Variants in NRP1 observed in about 807,000 individuals in gnomAD.
NRP1 encodes neuropilin-1.
A neutral mutation model predicts 106.7 loss-of-function variants in NRP1; 35 were observed. The ratio of observed to expected loss-of-function variants is 0.33; its 90% CI spans 0.25 to 0.43. The LOEUF is 0.43. Ranked by LOEUF, NRP1 falls within the 20% of genes least tolerant of loss-of-function variation. NRP1 has a pLI of 1.00. For missense variants in NRP1, 1,024 were observed against 1,170.4 expected (o/e 0.87, Z 1.83); for synonymous variants, 437 against 417.9 (o/e 1.05, Z -0.56).
Position 33,334,291 on chromosome 10 carries a change from G to C in NRP1, c.73+19C>G. On this transcript the variant is annotated intron_variant, in intron 1 of 16. Transcript: ENST00000374867. ...GAGCCGGGGCGCCGCTGTCACCCGC[G>C]CCTCTGCCTGTCACTTACCGTTGCG... 3 of 1,537,360 alleles carry C rather than the reference G, an allele frequency of 2.0e-6. No homozygotes were observed. The highest frequency in any genetic ancestry group is 1.7e-6 in the Non-Finnish European group (2 of 1,144,342).
intron 9 of NRP1, among the ~76,000 whole-genome samples, chr10:33,208,046 C>T (rs1273252402): frequency 6.6e-6 from 1 of 152,158 alleles, no homozygotes; most frequent in Non-Finnish European, 1.5e-5. Flanking sequence ...CCACCTCAGC[C>T]TCCTGAGTAG....
intron 2 of NRP1, among the ~76,000 whole-genome samples, chr10:33,326,636 A>G (rs981587122): frequency 1.3e-5 from 2 of 152,200 alleles, no homozygotes; most frequent in African/African-American, 2.4e-5. Flanking sequence ...ATCTTGTTCA[A>G]TAAAAGAATT....
chr10:33,331,230 C>A (rs1048131663), intron 1 of NRP1, among the ~76,000 whole-genome samples: 1 of 152,130 alleles, frequency 6.6e-6, no homozygotes, highest in South Asian at 2.1e-4. Flanking sequence ...TTAATTATCC[C>A]CCAAGAAGTG....
intron 15 of NRP1, among the ~76,000 whole-genome samples, chr10:33,183,317 A>AAAC (rs1235788693): frequency 6.6e-6 from 1 of 151,880 alleles, no homozygotes; most frequent in Non-Finnish European, 1.5e-5. Flanking sequence ...AAAAAAGCAA[A>AAAC]AACAACAACA....
intron 2 of NRP1, among the ~76,000 whole-genome samples, chr10:33,271,386 C>T (rs1203258554): frequency 6.6e-6 from 1 of 152,188 alleles, no homozygotes; most frequent in Non-Finnish European, 1.5e-5. Context: ...CCACCAAACT[C>T]CAGACTTCTT....
intron 2 of NRP1, among the ~76,000 whole-genome samples, chr10:33,294,617 C>CAAAA (rs11403961): frequency 8.9e-6 from 1 of 112,010 alleles, no homozygotes. Context: ...AACTCCGTCT[C>CAAAA]AAAAAAAAAA....
Position 33,300,783 on chromosome 10 carries a change from G to GTCCCGCCTTTAC in NRP1, c.248+29924_248+29925insGTAAAGGCGGGA, listed in dbSNP as rs1317499151. ...CCTGGAAGCCCCTCCCCTGCTTTGAGTTGTCCCGCCTTTACTTCGAGTTCT... is the reference window on the plus strand; with the variant it reads ...CCTGGAAGCCCCTCCCCTGCTTTGAGTCCCGCCTTTACTTGTCCCGCCTTTACTTCGAGTTCT... On this transcript the variant is annotated intron_variant, in intron 2 of 16. Transcript: ENST00000374867. Among the ~76,000 whole-genome samples the GTCCCGCCTTTAC allele has an allele frequency of 2.0e-5, 3 of 152,248 alleles. 1 individual carries two copies. In the Middle Eastern group the frequency reaches 0.01, roughly 518 times the overall value.
chr10:33,325,542 C>A (rs761150168), intron 2 of NRP1, among the ~76,000 whole-genome samples: 6 of 152,000 alleles, frequency 3.9e-5, no homozygotes, highest in Non-Finnish European at 7.4e-5. Context: ...TGTAAATGTG[C>A]GGGAATAATC....
At chr10:33,195,613 A>T (rs751796771) in intron 12 of NRP1, 1 of 532,362 alleles carries the variant, frequency 1.9e-6, no homozygotes, top group Non-Finnish European at 3.9e-6. Flanking sequence ...CAGGTGACTC[A>T]GGCCACTGGG....
rs750540463 is a variant in NRP1 at position 33,221,775 on chromosome 10, G to T, written c.1226C>A (p.Ala409Glu). The T allele has an allele frequency of 4.3e-6, 7 of 1,614,102 alleles. No individual in the cohort carries two copies. The South Asian group carries it at 4.4e-5, about 10-fold the overall frequency. The stretch of plus-strand genomic sequence containing the variant: ...CATAGATATGCCAGTTTCCCAAGTT[G>T]CAGGCTTGATTCGGACAAATCGAGT... ...LITRFVRIKPATWETGISMRF... is the reference protein window; with the variant it reads ...LITRFVRIKPETWETGISMRF... The change falls in exon 8 of 17, where the codon GCA becomes GAA. Residue 409 changes from alanine to glutamate, a missense_variant. Physicochemically the swap from Ala to Glu is moderately radical, Grantham distance 107 (BLOSUM62 -1). Coordinates refer to ENST00000374867, the MANE Select transcript of NRP1 (RefSeq NM_003873.7).
chr10:33,299,356 G>T (rs946715698), intron 2 of NRP1, among the ~76,000 whole-genome samples: 11 of 152,144 alleles, frequency 7.2e-5, no homozygotes, highest in African/African-American at 2.4e-4. Flanking sequence ...TCAGACACCA[G>T]CTGCTGAAAC....
At chr10:33,310,579 C>T (rs1413038944) in intron 2 of NRP1, among the ~76,000 whole-genome samples, 1 of 152,116 alleles carries the variant, frequency 6.6e-6, no homozygotes, top group Non-Finnish European at 1.5e-5. Flanking sequence ...GTTACTAGTA[C>T]CACTGTTCTT....
intron 2 of NRP1, among the ~76,000 whole-genome samples, chr10:33,320,737 C>T (rs186565227): frequency 6.6e-6 from 1 of 152,164 alleles, no homozygotes; most frequent in Non-Finnish European, 1.5e-5. Context: ...GCTGTTTAAA[C>T]TAGTGTTTAC....
intron 2 of NRP1, among the ~76,000 whole-genome samples, chr10:33,277,281 C>A (rs1843774153): frequency 6.6e-6 from 1 of 152,204 alleles, no homozygotes; most frequent in African/African-American, 2.4e-5. Context: ...GTGAGTCCCA[C>A]TGAATGGGCT....
At chr10:33,255,456 T>C (rs548327511) in intron 5 of NRP1, among the ~76,000 whole-genome samples, 6 of 152,298 alleles carry the variant, frequency 3.9e-5, no homozygotes, top group Admixed American at 2.0e-4. Flanking sequence ...TCTTTGTTCT[T>C]TTTTGTTGTT....
At position 33,218,140 on chromosome 10, in the gene NRP1, G is replaced by T. The variant is rs1196325924; in HGVS notation, c.1282+3579C>A. On this transcript the variant is annotated intron_variant, in intron 8 of 16. Transcript: ENST00000374867. ...CTGGTTAATAACAGAAGATAGCAGAGTTCAGAGTGTGTTAAGCAGCCATTG... is the reference window on the plus strand; with the variant it reads ...CTGGTTAATAACAGAAGATAGCAGATTTCAGAGTGTGTTAAGCAGCCATTG... Among the ~76,000 whole-genome samples, 5 of 152,174 alleles carry T rather than the reference G, an allele frequency of 3.3e-5. No homozygotes were observed. The East Asian group carries it at 5.8e-4, about 18-fold the overall frequency.
At chr10:33,245,822 A>G (rs1218797585) in intron 6 of NRP1, among the ~76,000 whole-genome samples, 1 of 152,216 alleles carries the variant, frequency 6.6e-6, no homozygotes, top group African/African-American at 2.4e-5. Context: ...GACCATAACT[A>G]TGAGTGTTTG....
chr10:33,253,739 G>A (rs1842015510), intron 6 of NRP1, among the ~76,000 whole-genome samples: 1 of 152,208 alleles, frequency 6.6e-6, no homozygotes, highest in African/African-American at 2.4e-5. Flanking sequence ...GACACTTGTA[G>A]TCACATTCTC....
chr10:33,240,951 C>A (rs1840966347), intron 6 of NRP1, among the ~76,000 whole-genome samples: 1 of 152,120 alleles, frequency 6.6e-6, no homozygotes, highest in African/African-American at 2.4e-5. Flanking sequence ...ACTGCATTTC[C>A]CTGTTGGAAG....
Sources: gnomAD v4.1 joint callset for allele counts (sites outside exome capture counted in the v4.1 genomes callset) on GRCh38, gnomAD v4.1.1 for gene constraint, MANE v1.5 for transcripts, NCBI Gene and HGNC (gene_info 2026-07-23, HGNC 2026-07-21) for gene names.